The following MGAT5 variants were observed in gnomAD, a reference collection of about 807,000 sequenced individuals.
The protein encoded by MGAT5 is alpha-1,6-mannosylglycoprotein 6-beta-N-acetylglucosaminyltransferase A.
A neutral mutation model predicts 94.3 loss-of-function variants in MGAT5; 30 were observed. That is an observed-to-expected ratio of 0.32 (90% CI 0.24 to 0.43). The LOEUF is 0.43. MGAT5 is among the 20% of genes least tolerant of loss of function. MGAT5 has a pLI of 1.00. For synonymous variants in MGAT5, 310 were observed against 322.9 expected (o/e 0.96, Z 0.43); for missense variants, 691 against 905.5 (o/e 0.76, Z 3.04).
chr2:134,337,505 G>A (rs1688400329), intron 5 of MGAT5, among the ~76,000 whole-genome samples: 1 of 152,096 alleles, frequency 6.6e-6, no homozygotes, highest in East Asian at 1.9e-4. Flanking sequence ...AAAGAGATGA[G>A]TGTTCAGAAT....
At chr2:134,187,757 A>G (rs1689118675) in intron 1 of MGAT5, among the ~76,000 whole-genome samples, 1 of 152,206 alleles carries the variant, frequency 6.6e-6, no homozygotes, top group African/African-American at 2.4e-5. Context: ...TTGAAAGGCC[A>G]CCCACTGATC....
At chr2:134,442,886 G>A (rs1685564173) in intron 15 of MGAT5, among the ~76,000 whole-genome samples, 1 of 151,626 alleles carries the variant, frequency 6.6e-6, no homozygotes, top group South Asian at 2.1e-4. Context: ...AGACCCTGCT[G>A]TCCCAACTCC....
rs2105340451 is a variant in MGAT5, at chr2:134,217,755, T to G, written c.-142-36507T>G. Among the ~76,000 whole-genome samples, 2 of 152,302 alleles carry G rather than the reference T, an allele frequency of 1.3e-5. 1 individual carries two copies. The highest frequency in any genetic ancestry group is 4.1e-4 in the South Asian group (2 of 4,828). ...AGTTAGAAAAAATAAGACTGGGCTC[T>G]TATTTGGTCCTCTTCTGAGAGAAAA... On this transcript the variant is annotated intron_variant, in intron 1 of 16. Coordinates refer to the MGAT5 transcript ENST00000409645.
chr2:134,121,425 G>A (rs955694629), intron 1 of MGAT5, among the ~76,000 whole-genome samples: 49 of 152,342 alleles, frequency 3.2e-4, no homozygotes, highest in African/African-American at 1.2e-3. Flanking sequence ...TAGCCGCCGC[G>A]CGGAAGAGCC....
At chr2:134,325,512 T>A (rs1415680389) in intron 4 of MGAT5, among the ~76,000 whole-genome samples, 1 of 152,110 alleles carries the variant, frequency 6.6e-6, no homozygotes, top group African/African-American at 2.4e-5. Context: ...TGCTTCATTA[T>A]TTTAGGACAA....
intron 1 of MGAT5, among the ~76,000 whole-genome samples, chr2:134,144,527 A>G (rs1453427826): frequency 2.0e-5 from 3 of 152,216 alleles, no homozygotes; most frequent in Non-Finnish European, 4.4e-5. Flanking sequence ...ACAATTCTAC[A>G]TGAGATTCAG....
chr2:134,311,843 C>T lies in MGAT5; in HGVS notation c.407-5686C>T, dbSNP rs189626870. Reference sequence around the variant, plus strand: ...AAATGGACGATAGCATCTTTATATACGTATAAATATTGATCCTAGGCAATT... The same window carrying T: ...AAATGGACGATAGCATCTTTATATATGTATAAATATTGATCCTAGGCAATT... On this transcript the variant is annotated intron_variant, in intron 2 of 15. Coordinates refer to ENST00000281923, the MANE Select transcript of MGAT5 (RefSeq NM_002410.5). Among the ~76,000 whole-genome samples the T allele has an allele frequency of 1.6e-4, 25 of 152,270 alleles. No individual in the cohort carries two copies. In the East Asian group the frequency reaches 4.1e-3, roughly 25 times the overall value.
chr2:134,190,180 C>T (rs1201033148), intron 1 of MGAT5, among the ~76,000 whole-genome samples: 1 of 152,126 alleles, frequency 6.6e-6, no homozygotes, highest in Non-Finnish European at 1.5e-5. Context: ...GGCAGGCTGT[C>T]TTTCTGCTTT....
chr2:134,172,331 T>A (rs150360777), intron 1 of MGAT5, among the ~76,000 whole-genome samples: 186 of 152,132 alleles, frequency 1.2e-3, no homozygotes, highest in African/African-American at 3.9e-3. Flanking sequence ...TCTTAAGTCC[T>A]CAATTCTGAG....
intron 1 of MGAT5, among the ~76,000 whole-genome samples, chr2:134,160,737 G>C (rs559743260): frequency 6.6e-5 from 10 of 152,338 alleles, no homozygotes; most frequent in African/African-American, 2.4e-4. Context: ...TCCCTTGTCA[G>C]CTGTGACTTT....
chr2:134,427,217 G>A (rs1684638368), intron 13 of MGAT5, among the ~76,000 whole-genome samples: 1 of 152,126 alleles, frequency 6.6e-6, no homozygotes, highest in Non-Finnish European at 1.5e-5. Flanking sequence ...CATTTTAGAG[G>A]TAGCTGGTGC....
chr2:134,204,059 G>A (rs1679920936), intron 1 of MGAT5, among the ~76,000 whole-genome samples: 4 of 152,176 alleles, frequency 2.6e-5, no homozygotes, highest in African/African-American at 7.2e-5. Context: ...CTTATAAAAG[G>A]ATCAGATCTG....
chr2:134,185,364 T>G (rs1428383660), intron 1 of MGAT5, among the ~76,000 whole-genome samples: 1 of 152,214 alleles, frequency 6.6e-6, no homozygotes, highest in Non-Finnish European at 1.5e-5. Context: ...ATGAAGGTGC[T>G]GATGAAAGTG....
At chr2:134,251,168 A>G (rs1682565629), upstream of MGAT5, among the ~76,000 whole-genome samples, 1 of 151,962 alleles carries the variant, frequency 6.6e-6, no homozygotes. Flanking sequence ...CTGGTTCAAA[A>G]TTAAGTAATG....
intron 5 of MGAT5, among the ~76,000 whole-genome samples, chr2:134,337,245 C>G (rs528130990): frequency 6.6e-6 from 1 of 152,270 alleles, no homozygotes; most frequent in African/African-American, 2.4e-5. Flanking sequence ...GAGGCTGAGG[C>G]AGGAGGATTG....
chr2:134,127,100 T>C (rs1009381809), intron 1 of MGAT5: 2 of 154,794 alleles, frequency 1.3e-5, no homozygotes, highest in African/African-American at 4.8e-5. Context: ...CTGTAATTTT[T>C]TAGAGCACCT....
intron 10 of MGAT5, among the ~76,000 whole-genome samples, chr2:134,397,403 G>A (rs1247301304): frequency 2.0e-5 from 3 of 152,128 alleles, no homozygotes; most frequent in Admixed American, 2.0e-4. Context: ...CTCACCAGGG[G>A]CCACAGAGAC....
chr2:134,180,700 C>G (rs1688693703), intron 1 of MGAT5, among the ~76,000 whole-genome samples: 2 of 152,294 alleles, frequency 1.3e-5, no homozygotes, highest in South Asian at 4.1e-4. Context: ...TTCTGTTCTA[C>G]TTTGACCTGA....
chr2:134,410,045 G>A (rs1683557385), intron 11 of MGAT5, among the ~76,000 whole-genome samples: 1 of 152,186 alleles, frequency 6.6e-6, no homozygotes, highest in African/African-American at 2.4e-5. Flanking sequence ...GTAAAATATG[G>A]CCAGTTTTCT....
Sources: allele counts gnomAD v4.1 joint callset (sites outside exome capture counted in the v4.1 genomes callset), GRCh38; gene constraint gnomAD v4.1.1; transcripts MANE v1.5; gene names NCBI Gene and HGNC (gene_info 2026-07-23, HGNC 2026-07-21).